The following ABL1 variants were observed in gnomAD, a reference collection of about 807,000 sequenced individuals.
ABL1 encodes ABL proto-oncogene 1, non-receptor tyrosine kinase, also known as tyrosine-protein kinase ABL1.
A neutral mutation model predicts 94.7 loss-of-function variants in ABL1; 11 were observed. The ratio of observed to expected loss-of-function variants is 0.12; its 90% confidence interval spans 0.07 to 0.19. The LOEUF is 0.19. Among genes scored for constraint, ABL1 ranks in the 10% least tolerant of loss-of-function variants. The pLI is 1.00. For synonymous variants in ABL1, 656 were observed against 622.4 expected, an observed-to-expected ratio of 1.05 and a Z score of -0.80; for missense variants, 1,082 against 1,489.4, an observed-to-expected ratio of 0.73 and a Z score of 4.50.
chr9:130,858,234 A>T (rs1248194979), intron 3 of ABL1, among the ~76,000 whole-genome samples: 3 of 151,934 alleles, frequency 2.0e-5, no homozygotes, highest in African/African-American at 7.3e-5. Flanking sequence ...ATACTGTTCA[A>T]ATGGGCAAGG....
chr9:130,811,455 T>G (rs1373619161), intron 1 of ABL1, among the ~76,000 whole-genome samples: 1 of 152,210 alleles, frequency 6.6e-6, no homozygotes, highest in Non-Finnish European at 1.5e-5. Context: ...GTAACTTACA[T>G]AGAAGTAAAG....
intron 1 of ABL1, among the ~76,000 whole-genome samples, chr9:130,750,196 T>C (rs1474120595): frequency 1.2e-3 from 18 of 14,416 alleles, no homozygotes; most frequent in South Asian, 5.6e-3. Flanking sequence ...AAAATACATA[T>C]ATATATATAT....
intron 1 of ABL1, among the ~76,000 whole-genome samples, chr9:130,738,822 T>G (rs1158333983): frequency 6.6e-6 from 1 of 152,158 alleles, no homozygotes; most frequent in Non-Finnish European, 1.5e-5. Flanking sequence ...CAAAACAAAT[T>G]TATTGTTTAG....
intron 1 of ABL1, among the ~76,000 whole-genome samples, chr9:130,761,097 A>G (rs1174849820): frequency 6.6e-6 from 1 of 151,508 alleles, no homozygotes; most frequent in Non-Finnish European, 1.5e-5. Context: ...ACAGGCGCCC[A>G]CCACCACGGC....
chr9:130,878,347 G>A (rs1831387490), intron 7 of ABL1, 68 bp from the exon 8 acceptor site: 1 of 1,574,646 alleles, frequency 6.4e-7, no homozygotes, highest in Non-Finnish European at 8.7e-7. Flanking sequence ...AAAGGTAACT[G>A]ATTTTAAATG....
At chr9:130,755,532 G>A (rs914963865) in intron 1 of ABL1, among the ~76,000 whole-genome samples, 3 of 152,118 alleles carry the variant, frequency 2.0e-5, no homozygotes, top group Non-Finnish European at 2.9e-5. Flanking sequence ...CGTGGTCTCT[G>A]GAAAGAATCA....
rs1205383994 is a variant in ABL1, at chr9:130,744,098, G to T, written c.136+29643G>T. On this transcript the variant is annotated intron_variant, in intron 1 of 10. Transcript: ENST00000372348. The stretch of plus-strand genomic sequence containing the variant: ...TTTTTTTTTTCCTGTTCCCTAATTT[G>T]CTACCCAGCTTTTACATCAAAGCTC... Among the ~76,000 whole-genome samples the T allele has an allele frequency of 6.0e-5, 9 of 149,890 alleles. 1 individual carries two copies. Among genetic ancestry groups the T allele is most frequent in the Admixed American group, 2.7e-4 (4 of 14,996 alleles).
Position 130,736,513 on chromosome 9 carries a change from G to C in ABL1, c.136+22058G>C, listed in dbSNP as rs185957968. On this transcript the variant is annotated intron_variant, in intron 1 of 10. Transcript: ENST00000372348. ...TTTGTTTTGTTTTGTTTTTTGAGAC[G>C]AAGTTTCGCTCTTGTTGTCCAGGCT... 5.6e-3 allele frequency among the ~76,000 whole-genome samples: 854 copies of C among 151,988 alleles called. 2 individuals carry two copies. Among genetic ancestry groups the C allele is most frequent in the South Asian group, 8.3e-3 (40 of 4,810 alleles).
intron 6 of ABL1, among the ~76,000 whole-genome samples, chr9:130,873,447 A>G (rs1004511095): frequency 1.3e-5 from 2 of 152,208 alleles, no homozygotes; most frequent in East Asian, 1.9e-4. Context: ...AGCCGCTGGC[A>G]TTGCTTTTAC....
At chr9:130,839,989 T>G (rs1326432770) in intron 1 of ABL1, among the ~76,000 whole-genome samples, 1 of 152,174 alleles carries the variant, frequency 6.6e-6, no homozygotes, top group Non-Finnish European at 1.5e-5. Context: ...ATTTCTAAAA[T>G]AAGGCCTGTA....
intron 10 of ABL1, among the ~76,000 whole-genome samples, chr9:130,881,629 G>T (rs1032925351): frequency 6.6e-6 from 1 of 152,234 alleles, no homozygotes; most frequent in South Asian, 2.1e-4. Context: ...TGACACGTGG[G>T]GCTTATTACA....
At chr9:130,810,908 A>G (rs934764132) in intron 1 of ABL1, among the ~76,000 whole-genome samples, 3 of 152,146 alleles carry the variant, frequency 2.0e-5, no homozygotes, top group African/African-American at 7.2e-5. Context: ...ATGGTTTAAA[A>G]TGGCCAAAGA....
intron 3 of ABL1, among the ~76,000 whole-genome samples, chr9:130,857,203 A>G (rs929253339): frequency 2.6e-5 from 4 of 152,332 alleles, no homozygotes; most frequent in East Asian, 3.9e-4. Context: ...TGTGGGTGTA[A>G]GTGTGTGCAG....
rs565544651 is a variant in ABL1, at chr9:130,767,085, T to TG, written c.136+52630_136+52631insG. Among the ~76,000 whole-genome samples, 682 of 152,306 alleles carry TG rather than the reference T, an allele frequency of 4.5e-3. 6 individuals carry two copies. Among genetic ancestry groups the TG allele is most frequent in the African/African-American group, 0.016 (653 of 41,556 alleles). ...CACTCAGCTTCTGGTGCCTGGCTCT[T>TG]TCAGACCCATGCAGGCCCCAGCTCA... On this transcript the variant is annotated intron_variant, in intron 1 of 10. Coordinates refer to the ABL1 transcript ENST00000372348.
At chr9:130,718,023 AAAAG>A (rs1831466713) in intron 1 of ABL1, among the ~76,000 whole-genome samples, 1 of 149,070 alleles carries the variant, frequency 6.7e-6, no homozygotes, top group African/African-American at 2.6e-5. Flanking sequence ...CAAAAAAAAA[AAAAG>A]AAATTCCTGG....
intron 3 of ABL1, among the ~76,000 whole-genome samples, chr9:130,857,198 G>A (rs923526780): frequency 6.6e-6 from 1 of 152,172 alleles, no homozygotes; most frequent in Non-Finnish European, 1.5e-5. Flanking sequence ...CTTTATGTGG[G>A]TGTAAGTGTG....
At chr9:130,726,100 C>G (rs756592174) in intron 1 of ABL1, among the ~76,000 whole-genome samples, 2 of 151,934 alleles carry the variant, frequency 1.3e-5, no homozygotes. Flanking sequence ...ATACTCCTGC[C>G]TCAACCTCCC....
rs34329867 is a variant in ABL1 at position 130,793,766 on chromosome 9, G to A, written c.137-60298G>A. On this transcript the variant is annotated intron_variant, in intron 1 of 10. Coordinates refer to the ABL1 transcript ENST00000372348. Reference sequence around the variant, plus strand: ...CCAGGCCGTATAGCAGGTGGTGAGCGGCAGGTAAGCAATGAAGCTTCATCT... The same window carrying A: ...CCAGGCCGTATAGCAGGTGGTGAGCAGCAGGTAAGCAATGAAGCTTCATCT... 1.1e-4 allele frequency among the ~76,000 whole-genome samples: 17 copies of A among 152,198 alleles called. No individual in the cohort carries two copies. The South Asian group carries it at 1.7e-3, about 15-fold the overall frequency.
intron 1 of ABL1, among the ~76,000 whole-genome samples, chr9:130,757,116 C>A (rs780443417): frequency 6.6e-6 from 1 of 152,092 alleles, no homozygotes; most frequent in African/African-American, 2.4e-5. Context: ...AACCTGAGGC[C>A]GGCTGTGTTC....
Sources: allele counts gnomAD v4.1 joint callset (sites outside exome capture counted in the v4.1 genomes callset), GRCh38; gene constraint gnomAD v4.1.1; transcripts MANE v1.5; gene names NCBI Gene and HGNC (gene_info 2026-07-23, HGNC 2026-07-21).